Variants in GNG7 observed in about 807,000 individuals in gnomAD.
The protein encoded by GNG7 is G protein subunit gamma 7, also known as guanine nucleotide-binding protein G(I)/G(S)/G(O) subunit gamma-7.
In GNG7, 1 loss-of-function variant was observed where a neutral mutation model predicts 4.0. The ratio of observed to expected loss-of-function variants is 0.25; its 90% CI spans 0.09 to 1.18. The LOEUF (loss-of-function observed/expected upper bound fraction) is 1.18. GNG7 is among the 50% of genes most tolerant of loss of function. The probability of loss-of-function intolerance (pLI) is 0.50; values close to 1 mark genes in which losing one functional copy is unlikely to be tolerated. For synonymous variants in GNG7, 34 were observed against 36.9 expected (o/e 0.92, Z 0.29); for missense variants, 86 against 91.9 (o/e 0.94, Z 0.26).
rs572945635 is a variant in GNG7, at chr19:2,588,554, G to T, written c.-77-33366C>A. Among the ~76,000 whole-genome samples, 489 of 152,316 alleles carry T rather than the reference G, an allele frequency of 3.2e-3. 4 individuals are homozygous for T. Among genetic ancestry groups the T allele is most frequent in the African/African-American group, 0.011 (467 of 41,576 alleles). ...GAGCCCAGGGCGGCGGCAGCTGGAC[G>T]CGGGCCCCGTGGAACTTTCTCCCGT... is the stretch of plus-strand genomic sequence containing the variant. On this transcript the variant is annotated intron_variant, in intron 2 of 4. Transcript: ENST00000382159.
intron 3 of GNG7, among the ~76,000 whole-genome samples, chr19:2,521,265 CA>C (rs1041804790): frequency 9.4e-4 from 135 of 143,810 alleles, no homozygotes; most frequent in African/African-American, 2.3e-3. Flanking sequence ...GACTCCGTCT[CA>C]AAAAAAAAAA....
intron 1 of GNG7, among the ~76,000 whole-genome samples, chr19:2,671,970 GAACCC>G (rs1325166189): frequency 7.1e-6 from 1 of 140,422 alleles, no homozygotes. Flanking sequence ...AGAATGGCAT[GAACCC>G]GGGAGGTGGA....
chr19:2,588,975 C>T (rs1257890454), intron 2 of GNG7, among the ~76,000 whole-genome samples: 1 of 152,194 alleles, frequency 6.6e-6, no homozygotes, highest in Admixed American at 6.5e-5. Context: ...GTGACCCAGG[C>T]TGGAGTGTAA....
intron 2 of GNG7, among the ~76,000 whole-genome samples, chr19:2,592,089 A>G (rs1980864147): frequency 6.6e-6 from 1 of 152,130 alleles, no homozygotes. Flanking sequence ...TTAGGAATTT[A>G]CCTCCTGAGA....
intron 2 of GNG7, among the ~76,000 whole-genome samples, chr19:2,572,294 T>C (rs10423597): frequency 0.067 from 10,148 of 151,950 alleles, 762 homozygotes; most frequent in East Asian, 0.3. Context: ...TCTGGGACTA[T>C]AGGTGCATGC....
chr19:2,577,083 C>G (rs1980364061), intron 2 of GNG7, among the ~76,000 whole-genome samples: 2 of 152,250 alleles, frequency 1.3e-5, no homozygotes, highest in African/African-American at 4.8e-5. Flanking sequence ...AGGGTCAGGA[C>G]AAGGTCCACC....
At chr19:2,593,661 T>C (rs1402610988) in intron 2 of GNG7, among the ~76,000 whole-genome samples, 1 of 151,830 alleles carries the variant, frequency 6.6e-6, no homozygotes, top group Non-Finnish European at 1.5e-5. Context: ...GGAGAATCGC[T>C]TGAACCTGGG....
At chr19:2,575,611 GCA>G (rs1362426985) in intron 2 of GNG7, among the ~76,000 whole-genome samples, 24 of 115,760 alleles carry the variant, frequency 2.1e-4, no homozygotes, top group Non-Finnish European at 3.7e-4. Context: ...GCACACGCAG[GCA>G]CACACAGACA....
chr19:2,647,480 AAGG>A (rs1453320521), intron 1 of GNG7, among the ~76,000 whole-genome samples: 1 of 152,166 alleles, frequency 6.6e-6, no homozygotes, highest in African/African-American at 2.4e-5. Flanking sequence ...CCACAGTCAC[AAGG>A]AGGCCTCATG....
At chr19:2,582,489 A>T (rs891009292) in intron 2 of GNG7, among the ~76,000 whole-genome samples, 1 of 148,322 alleles carries the variant, frequency 6.7e-6, no homozygotes, top group Non-Finnish European at 1.5e-5. Context: ...TTAAATGACA[A>T]TTTTTTTTTT....
chr19:2,566,905 C>T (rs1979927491), intron 2 of GNG7, among the ~76,000 whole-genome samples: 1 of 152,090 alleles, frequency 6.6e-6, no homozygotes, highest in African/African-American at 2.4e-5. Flanking sequence ...GAGTTCGAGA[C>T]CAGCCTGACC....
chr19:2,661,670 TAAAAAAA>T (rs57483197), intron 1 of GNG7, among the ~76,000 whole-genome samples: 11,860 of 108,504 alleles, frequency 0.11, 1,164 homozygotes, highest in African/African-American at 0.31. Context: ...GAGACTCCAT[TAAAAAAA>T]AAAAAAAAAA....
At chr19:2,570,674 G>A (rs1306759911) in intron 2 of GNG7, among the ~76,000 whole-genome samples, 1 of 152,234 alleles carries the variant, frequency 6.6e-6, no homozygotes, top group African/African-American at 2.4e-5. Context: ...GCCATGAACA[G>A]AAGGTACTGG....
intron 3 of GNG7, among the ~76,000 whole-genome samples, chr19:2,554,609 C>T (rs972165280): frequency 2.7e-5 from 4 of 149,356 alleles, no homozygotes; most frequent in South Asian, 4.2e-4. Context: ...GGCTGGTGTA[C>T]GGTGGCATGA....
chr19:2,574,001 G>A (rs1980230911), intron 2 of GNG7, among the ~76,000 whole-genome samples: 1 of 152,184 alleles, frequency 6.6e-6, no homozygotes, highest in African/African-American at 2.4e-5. Context: ...TACGGCCGGA[G>A]TTCTGCCGCC....
chr19:2,522,513 G>A (rs1353561595), intron 3 of GNG7, among the ~76,000 whole-genome samples: 8 of 151,904 alleles, frequency 5.3e-5, no homozygotes, highest in African/African-American at 1.7e-4. Flanking sequence ...GGTGGCTCAC[G>A]CCTGTAATCC....
At chr19:2,690,274 C>T (rs572834962) in intron 1 of GNG7, among the ~76,000 whole-genome samples, 19 of 151,888 alleles carry the variant, frequency 1.3e-4, no homozygotes, top group Non-Finnish European at 2.6e-4. Flanking sequence ...CCCAGCTACC[C>T]GGGAGGCTGA....
At chr19:2,603,253 G>C (rs1306337776) in intron 2 of GNG7, among the ~76,000 whole-genome samples, 1 of 152,130 alleles carries the variant, frequency 6.6e-6, no homozygotes, top group Non-Finnish European at 1.5e-5. Context: ...TTTTAGTAGA[G>C]ACGGGGTTTC....
At position 2,653,658 on chromosome 19, in the gene GNG7, G is replaced by A. The variant is rs565955617; in HGVS notation, c.-134-7378C>T. Among the ~76,000 whole-genome samples the A allele has an allele frequency of 2.0e-5, 3 of 152,054 alleles. No individual in the cohort carries two copies. Among genetic ancestry groups the A allele is most frequent in the South Asian group, 2.1e-4 (1 of 4,810 alleles). ...TGGGCACTGCGGGGAGCTGAGCAGC[G>A]TCCCTGGCCTCCACCCACCCCATGC... On this transcript the variant is annotated intron_variant, in intron 1 of 4. Transcript: ENST00000382159. This position sits in a 1 kb window ranked among gnomAD's most constrained non-coding sequence, Gnocchi z 4.8.
Sources: gnomAD v4.1 joint callset for allele counts (sites outside exome capture counted in the v4.1 genomes callset) on GRCh38, gnomAD v4.1.1 for gene constraint, Gnocchi (gnomAD v3.1) non-coding constraint, MANE v1.5 for transcripts, NCBI Gene and HGNC (gene_info 2026-07-23, HGNC 2026-07-21) for gene names.